OTULIN: variants seen among roughly 807,000 people sequenced by gnomAD.
The protein encoded by OTULIN is ubiquitin thioesterase otulin.
A neutral mutation model predicts 39.6 loss-of-function variants in OTULIN; 15 were observed. The ratio of observed to expected loss-of-function variants is 0.38; its 90% CI spans 0.25 to 0.58. OTULIN has a LOEUF of 0.58. OTULIN is among the 20% of genes least tolerant of loss of function. OTULIN has a pLI of 0.66. For missense variants in OTULIN, 319 were observed against 445.9 expected (o/e 0.72, Z 2.56); for synonymous variants, 156 against 170.3 (o/e 0.92, Z 0.65).
chr5:14,689,431 G>C (rs984374845), intron 5 of OTULIN, among the ~76,000 whole-genome samples: 1 of 152,122 alleles, frequency 6.6e-6, no homozygotes, highest in African/African-American at 2.4e-5. Context: ...ATATTTATAG[G>C]TTTTCTTTTT....
At position 14,693,075 on chromosome 5, in the gene OTULIN, G is replaced by A. The variant is rs372132961; in HGVS notation, c.*27G>A. The A allele has an allele frequency of 1.9e-6, 3 of 1,567,144 alleles. No individual in the cohort carries two copies. Among genetic ancestry groups the A allele is most frequent in the South Asian group, 2.3e-5 (2 of 86,584 alleles). ...AGACGCATGCTCCTGACAGCCTGGC[G>A]ACGTGGCGAAGATGCACAGGTGGCT... On this transcript the variant is annotated 3_prime_UTR_variant, in exon 7 of 7. Transcript: ENST00000284274.
chr5:14,692,742 A>AAT lies in OTULIN; in HGVS notation c.865-112_865-111insAT, dbSNP rs146301068. The stretch of plus-strand genomic sequence containing the variant: ...GCTGGGCCCAAAGCAGGAGGAAAAA[A>AAT]CGTTGTGGCTTCACCATTGCTGTGC... On this transcript the variant is annotated intron_variant, in intron 6 of 6. Transcript: ENST00000284274. The AAT allele has an allele frequency of 4.0e-3, 3,292 of 830,196 alleles. 88 individuals are homozygous for AAT. The African/African-American group carries it at 0.051, about 13-fold the overall frequency. The allele number at this position is 830,196 out of a possible 1,614,324, so 51.4% of individuals were successfully genotyped here. A position where few individuals can be genotyped will look rare whatever the true frequency, so the allele number is the denominator to read the frequency against.
At position 14,678,765 on chromosome 5, in the gene OTULIN, G is replaced by T; in HGVS notation, c.314G>T (p.Cys105Phe). Reference sequence around the variant, plus strand: ...AGAGGAAATACACAGAAAGCAACGTGTATGAAAATGGTATGACACAGAGGT... The same window carrying T: ...AGAGGAAATACACAGAAAGCAACGTTTATGAAAATGGTATGACACAGAGGT... ...EWRGNTQKAT[C>F]MKMGYEEVSQ... Residue 105 changes from cysteine (C) to phenylalanine (F), a missense_variant, in exon 3 of 7, where the codon TGT becomes TTT. Transcript: ENST00000284274. 1 of 1,605,522 alleles carries T rather than the reference G, an allele frequency of 6.2e-7. No individual in the cohort carries two copies. The highest frequency in any genetic ancestry group is 8.5e-7 in the Non-Finnish European group (1 of 1,176,018).
chr5:14,709,060 ATT>A, the OTULIN span: 1 of 152,104 alleles, frequency 6.6e-6, no homozygotes, highest in Non-Finnish European at 1.5e-5. Context: ...CCCCCAGCTA[ATT>A]TTTATGTTTT....
intron 3 of OTULIN, among the ~76,000 whole-genome samples, chr5:14,680,985 G>C (rs569544752): frequency 6.6e-6 from 1 of 151,938 alleles, no homozygotes; most frequent in Admixed American, 6.6e-5. Flanking sequence ...GCTTGAACCC[G>C]GGAGGCCGAG....
intron 6 of OTULIN, among the ~76,000 whole-genome samples, chr5:14,692,136 T>C (rs968784173): frequency 1.3e-5 from 2 of 152,224 alleles, no homozygotes; most frequent in African/African-American, 4.8e-5. Context: ...TTTAACATTT[T>C]GAGGAACTGC....
intron 5 of OTULIN, among the ~76,000 whole-genome samples, chr5:14,689,177 C>T (rs531480005): frequency 3.9e-5 from 6 of 152,166 alleles, no homozygotes; most frequent in Non-Finnish European, 8.8e-5. Context: ...TCCCGACTGA[C>T]TTTAGAGCCA....
At chr5:14,683,932 C>G (rs1029325476) in intron 4 of OTULIN, among the ~76,000 whole-genome samples, 1 of 151,988 alleles carries the variant, frequency 6.6e-6, no homozygotes, top group Admixed American at 6.6e-5. Flanking sequence ...TAAAAATAGT[C>G]TGGGTAGATT....
chr5:14,676,354 G>A (rs1270832515), intron 2 of OTULIN, among the ~76,000 whole-genome samples: 1 of 152,194 alleles, frequency 6.6e-6, no homozygotes, highest in East Asian at 1.9e-4. Context: ...AGCTGCTCGA[G>A]GTCAGGTACT....
chr5:14,665,412 C>T (rs1230525367), intron 1 of OTULIN, among the ~76,000 whole-genome samples: 1 of 152,220 alleles, frequency 6.6e-6, no homozygotes, highest in Non-Finnish European at 1.5e-5. Flanking sequence ...ACCTGTTGGA[C>T]AGACTTTGGA....
chr5:14,676,076 C>A (rs944060820), intron 2 of OTULIN, among the ~76,000 whole-genome samples: 4 of 151,672 alleles, frequency 2.6e-5, no homozygotes, highest in African/African-American at 9.7e-5. Flanking sequence ...AGATTCCTAT[C>A]CTATTCCACC....
chr5:14,713,607 GC>G, the OTULIN span: 1 of 1,614,196 alleles, frequency 6.2e-7, no homozygotes, highest in Non-Finnish European at 8.5e-7. This position sits in a 1 kb window ranked among gnomAD's most constrained non-coding sequence, Gnocchi z 4.4. Context: ...AGAGCTGGGG[GC>G]AAGGACGAAG....
chr5:14,692,659 GATCC>G, intron 6 of OTULIN, among the ~76,000 whole-genome samples, 191 bp from the exon 7 acceptor site: 1 of 147,400 alleles, frequency 6.8e-6, no homozygotes, highest in East Asian at 2.0e-4. Flanking sequence ...TCAGACATAT[GATCC>G]ATTCTTGATT....
chr5:14,693,333 A>G lies in OTULIN; in HGVS notation c.*285A>G, dbSNP rs1366941156. The stretch of plus-strand genomic sequence containing the variant: ...TCCAGAAGGCAAATACTTTTGTATC[A>G]GAGGAAACTCAGTTTTGGAGAGGAA... On this transcript the variant is annotated 3_prime_UTR_variant, in exon 7 of 7. Transcript: ENST00000284274. 1.7e-5 allele frequency: 5 copies of G among 298,622 alleles called. No homozygotes were observed. Among genetic ancestry groups the G allele is most frequent in the Non-Finnish European group, 2.5e-5 (4 of 162,398 alleles). 18.5% of individuals were successfully genotyped at this position (298,622 alleles called of 1,614,324 possible). A position where few individuals can be genotyped will look rare whatever the true frequency, so the allele number is the denominator to read the frequency against.
chr5:14,713,078 AC>A, the OTULIN span: 1 of 1,118,576 alleles, frequency 8.9e-7, no homozygotes, highest in Non-Finnish European at 1.3e-6. This position sits in a 1 kb window ranked among gnomAD's most constrained non-coding sequence, Gnocchi z 4.4. Context: ...GACGGCTGAG[AC>A]CAGCGGCGTT....
At position 14,678,699 on chromosome 5, in the gene OTULIN, C is replaced by T; in HGVS notation, c.248C>T (p.Ala83Val). 6.3e-7 allele frequency: 1 copy of T among 1,587,842 alleles called. No homozygotes were observed. Among genetic ancestry groups the T allele is most frequent in the Non-Finnish European group, 8.5e-7 (1 of 1,170,518 alleles). Reference sequence around the variant, plus strand: ...TTAACAGAACCGAGATTAAGCGTAGCTCCTGAAATGGATATCATGGACTAC... The same window carrying T: ...TTAACAGAACCGAGATTAAGCGTAGTTCCTGAAATGGATATCATGGACTAC... ...RGASEPRLSVAPEMDIMDYCK... is the reference protein window; with the variant it reads ...RGASEPRLSVVPEMDIMDYCK... Residue 83 changes from alanine to valine, a missense_variant, in exon 3 of 7, where the codon GCT (alanine) becomes GTT (valine). Around this residue, in one of 4 missense-constraint regions of OTULIN, gnomAD observed 132 missense variants for 143.7 expected, o/e 0.92. Transcript: ENST00000284274.
chr5:14,674,678 C>T (rs544089062), intron 2 of OTULIN, among the ~76,000 whole-genome samples: 1 of 152,134 alleles, frequency 6.6e-6, no homozygotes, highest in East Asian at 1.9e-4. Flanking sequence ...TCGCTTGAGC[C>T]TGGGAGTTTG....
At chr5:14,712,799 G>C in the OTULIN span, 13 of 1,415,294 alleles carry the variant, frequency 9.2e-6, no homozygotes, top group African/African-American at 1.4e-4. Flanking sequence ...CATCCAACCT[G>C]GTCAGTGGCT....
downstream of OTULIN, among the ~76,000 whole-genome samples, chr5:14,701,503 C>T (rs941722079): frequency 6.6e-6 from 1 of 152,194 alleles, no homozygotes; most frequent in Non-Finnish European, 1.5e-5. Flanking sequence ...CACTGAGTCC[C>T]CAGGACTCAG....
Sources: allele counts gnomAD v4.1 joint callset (sites outside exome capture counted in the v4.1 genomes callset), GRCh38; gene constraint gnomAD v4.1.1; regional missense constraint gnomAD v4.1.1; non-coding constraint Gnocchi (gnomAD v3.1); transcripts MANE v1.5; gene names NCBI Gene and HGNC (gene_info 2026-07-23, HGNC 2026-07-21).